GRM7: variants seen among roughly 807,000 people sequenced by gnomAD.
GRM7 encodes the protein metabotropic glutamate receptor 7.
In GRM7, 35 loss-of-function variants were observed where a neutral mutation model predicts 84.5. That is an observed-to-expected ratio of 0.41 (90% CI 0.32 to 0.55). The LOEUF (loss-of-function observed/expected upper bound fraction) is 0.55, where lower values mean the gene tolerates loss of function less well. Among genes scored for constraint, GRM7 ranks in the 20% least tolerant of loss-of-function variants. The probability of loss-of-function intolerance (pLI) is 0.19; values close to 1 mark genes in which losing one functional copy is unlikely to be tolerated. For missense variants in GRM7, 1,003 were observed against 1,194.6 expected (o/e 0.84, Z 2.36); for synonymous variants, 487 against 455.1 (o/e 1.07, Z -0.89).
At chr3:7,129,925 A>C (rs949768334) in intron 1 of GRM7, among the ~76,000 whole-genome samples, 1 of 152,240 alleles carries the variant, frequency 6.6e-6, no homozygotes, top group African/African-American at 2.4e-5. Flanking sequence ...TTTTGAAATC[A>C]CATATACAGA....
At chr3:7,305,046 T>C (rs539386013) in intron 3 of GRM7, among the ~76,000 whole-genome samples, 3 of 152,202 alleles carry the variant, frequency 2.0e-5, no homozygotes, top group Non-Finnish European at 4.4e-5. Context: ...ATCTAGAGTC[T>C]ACTTTCTGAT....
chr3:7,400,127 A>G (rs1185918039), intron 4 of GRM7, among the ~76,000 whole-genome samples: 1 of 152,190 alleles, frequency 6.6e-6, no homozygotes, highest in Non-Finnish European at 1.5e-5. Flanking sequence ...AAGTAAACAG[A>G]CTAGGACAAA....
At chr3:7,464,328 C>T (rs921878462) in intron 7 of GRM7, among the ~76,000 whole-genome samples, 1 of 152,042 alleles carries the variant, frequency 6.6e-6, no homozygotes, top group African/African-American at 2.4e-5. Context: ...GGGAGAAAAT[C>T]AAGAATCCCA....
chr3:7,196,080 A>G (rs1481013652), intron 2 of GRM7, among the ~76,000 whole-genome samples: 1 of 152,120 alleles, frequency 6.6e-6, no homozygotes, highest in Non-Finnish European at 1.5e-5. Flanking sequence ...ATTTTAATGA[A>G]TTGGCTCATG....
intron 2 of GRM7, among the ~76,000 whole-genome samples, chr3:7,162,642 A>G (rs1280127156): frequency 6.7e-6 from 1 of 150,272 alleles, no homozygotes; most frequent in African/African-American, 2.4e-5. Context: ...GAGAAATAGA[A>G]CTGTCAGGTG....
intron 2 of GRM7, among the ~76,000 whole-genome samples, chr3:7,284,785 T>G (rs1252241175): frequency 6.6e-6 from 1 of 152,132 alleles, no homozygotes; most frequent in East Asian, 1.9e-4. Context: ...TACTATGAAC[T>G]AAAGTCATTT....
intron 1 of GRM7, among the ~76,000 whole-genome samples, chr3:7,114,701 G>C (rs751429400): frequency 6.6e-6 from 1 of 152,188 alleles, no homozygotes; most frequent in Middle Eastern, 3.4e-3. Flanking sequence ...CTATCCAAAC[G>C]CTGCACTTTT....
At chr3:6,955,929 G>A (rs1431157845) in intron 1 of GRM7, among the ~76,000 whole-genome samples, 1 of 152,038 alleles carries the variant, frequency 6.6e-6, no homozygotes, top group Non-Finnish European at 1.5e-5. Context: ...GATTTGTGCA[G>A]TGACATTTCT....
intron 1 of GRM7, among the ~76,000 whole-genome samples, chr3:6,942,498 A>G (rs902328724): frequency 1.3e-5 from 2 of 152,122 alleles, no homozygotes; most frequent in Non-Finnish European, 2.9e-5. Flanking sequence ...CATAGTCACT[A>G]TTGGCTTCCA....
chr3:6,903,559 C>A (rs956848389), intron 1 of GRM7, among the ~76,000 whole-genome samples: 3 of 152,128 alleles, frequency 2.0e-5, no homozygotes, highest in Admixed American at 6.5e-5. Flanking sequence ...GTGATGAGAA[C>A]GTAGGCTGTT....
intron 1 of GRM7, among the ~76,000 whole-genome samples, chr3:7,065,217 G>C (rs1256734130): frequency 2.6e-5 from 4 of 151,776 alleles, no homozygotes; most frequent in Non-Finnish European, 5.9e-5. Context: ...ATTTATCTTT[G>C]TTTTTATTGC....
At chr3:7,326,583 C>G (rs148450474) in intron 4 of GRM7, among the ~76,000 whole-genome samples, 1 of 152,210 alleles carries the variant, frequency 6.6e-6, no homozygotes, top group Non-Finnish European at 1.5e-5. Context: ...CACAGTGGCT[C>G]ACACCTGTAA....
intron 7 of GRM7, among the ~76,000 whole-genome samples, chr3:7,507,921 A>G (rs1230946552): frequency 6.6e-6 from 1 of 152,160 alleles, no homozygotes; most frequent in African/African-American, 2.4e-5. Context: ...TTCTTCCGAT[A>G]ACTGCACCTT....
chr3:6,903,218 T>TC (rs1158732603), intron 1 of GRM7, among the ~76,000 whole-genome samples: 12 of 151,402 alleles, frequency 7.9e-5, no homozygotes, highest in Admixed American at 7.2e-4. Context: ...TTTTTTTTTT[T>TC]GGTCTTCCCA....
chr3:7,527,193 G>T (rs569546876), intron 7 of GRM7, among the ~76,000 whole-genome samples: 1 of 151,830 alleles, frequency 6.6e-6, no homozygotes, highest in African/African-American at 2.4e-5. Context: ...TGTTTTCTAT[G>T]ATTTATTTCA....
chr3:7,413,667 C>T lies in GRM7; in HGVS notation c.1034-1356C>T, dbSNP rs531280606. On this transcript the variant is annotated intron_variant, in intron 4 of 9. Transcript: ENST00000357716. The stretch of plus-strand genomic sequence containing the variant: ...AACACATGATTGTTTTGCTCTTCTA[C>T]CTGTCGAACCACCCAGTTGCCCTGT... 2.6e-5 allele frequency among the ~76,000 whole-genome samples: 4 copies of T among 152,230 alleles called. No homozygotes were observed. The South Asian group carries it at 8.3e-4, about 32-fold the overall frequency.
intron 4 of GRM7, among the ~76,000 whole-genome samples, chr3:7,318,530 G>A (rs1700661677): frequency 6.6e-6 from 1 of 152,074 alleles, no homozygotes; most frequent in Non-Finnish European, 1.5e-5. Context: ...TGGATGGCTG[G>A]AAGAAAAGTC....
chr3:7,200,216 A>T (rs1457974984), intron 2 of GRM7, among the ~76,000 whole-genome samples: 5 of 152,142 alleles, frequency 3.3e-5, no homozygotes, highest in Admixed American at 3.3e-4. Flanking sequence ...TTCCCCCATA[A>T]TACAAACACC....
chr3:6,876,967 C>G (rs1574957080), intron 1 of GRM7, among the ~76,000 whole-genome samples: 1 of 152,066 alleles, frequency 6.6e-6, no homozygotes, highest in Non-Finnish European at 1.5e-5. Context: ...TCTATAATTT[C>G]CTCAGCTCTT....
Sources: allele counts gnomAD v4.1 joint callset (sites outside exome capture counted in the v4.1 genomes callset), GRCh38; gene constraint gnomAD v4.1.1; transcripts MANE v1.5; gene names NCBI Gene and HGNC (gene_info 2026-07-23, HGNC 2026-07-21).